Variants in ZNF326 observed in about 807,000 individuals in gnomAD.
ZNF326 encodes DBIRD complex subunit ZNF326.
Under a neutral mutation model 63.1 loss-of-function variants are expected in ZNF326, and 30 were observed. That is an observed-to-expected ratio of 0.48 (90% CI 0.36 to 0.64). The LOEUF is 0.64. Ranked by LOEUF, ZNF326 falls within the 30% of genes least tolerant of loss-of-function variation. ZNF326 has a pLI of 0.00. For synonymous variants in ZNF326, 194 were observed against 228.2 expected (o/e 0.85, Z 1.35); for missense variants, 609 against 720.3 (o/e 0.85, Z 1.77).
chr1:89,995,355 T>G, intron 1 of ZNF326, 82 bp downstream of exon 1: 1 of 1,484,642 alleles, frequency 6.7e-7, no homozygotes, highest in Non-Finnish European at 9.0e-7. Flanking sequence ...CGTCTCAAGA[T>G]GGCCGTGTGG....
At chr1:90,003,133 T>A (rs1211924988) in intron 2 of ZNF326, among the ~76,000 whole-genome samples, 1 of 151,734 alleles carries the variant, frequency 6.6e-6, no homozygotes, top group African/African-American at 2.4e-5. Context: ...TAGTTCTTTT[T>A]TTTTTTTTTT....
chr1:90,007,501 C>G lies in ZNF326; in HGVS notation c.366C>G (p.Phe122Leu), dbSNP rs142094932. 5.6e-6 allele frequency: 9 copies of G among 1,614,052 alleles called. No individual in the cohort carries two copies. The highest frequency in any genetic ancestry group is 7.6e-6 in the Non-Finnish European group (9 of 1,180,002). The change falls in exon 5 of 12, where the codon TTC becomes TTG. Residue 122 changes from phenylalanine (F) to leucine (L), a missense_variant. Around this residue, in one of 3 missense-constraint regions of ZNF326, gnomAD observed 113 missense variants for 187.4 expected, o/e 0.60. Transcript: ENST00000340281. This position sits in a 1 kb window ranked among gnomAD's most constrained non-coding sequence, Gnocchi z 4.9. Reference protein sequence around the residue: ...ESSYRNSLDSFGGRNQGGSSW... With the variant: ...ESSYRNSLDSLGGRNQGGSSW... ...CCTACCGGAATAGCCTTGACTCTTT[C>G]GGAGGTAGAAACCAGGGCGGGTCTA... is the stretch of plus-strand genomic sequence containing the variant.
At chr1:90,021,000 C>T (rs1462690525) in intron 10 of ZNF326, 78 bp downstream of exon 10, 1 of 1,416,452 alleles carries the variant, frequency 7.1e-7, no homozygotes, top group East Asian at 2.3e-5. Flanking sequence ...TAGCTTCACA[C>T]CTATCTGCAA....
At chr1:90,020,757 G>T in intron 9 of ZNF326, 35 bp from the exon 10 acceptor site, 1 of 1,574,846 alleles carries the variant, frequency 6.3e-7, no homozygotes, top group African/African-American at 1.4e-5. Flanking sequence ...AATAACATAT[G>T]AATTATTTCT....
intron 8 of ZNF326, 72 bp downstream of exon 8, chr1:90,017,536 C>A: frequency 7.4e-7 from 1 of 1,349,000 alleles, no homozygotes; most frequent in Non-Finnish European, 1.0e-6. Flanking sequence ...TTTCACTCTC[C>A]CCATCTCTCA....
At chr1:90,012,524 T>G (rs1403091324) in intron 6 of ZNF326, among the ~76,000 whole-genome samples, 1 of 152,250 alleles carries the variant, frequency 6.6e-6, no homozygotes, top group Non-Finnish European at 1.5e-5. Context: ...GTTGCGTAAC[T>G]TTGTGAATGT....
chr1:90,016,575 G>A lies in ZNF326; in HGVS notation c.927-742G>A, dbSNP rs569989045. ...CTACTAAAAATATAAAAATTAGCCAGGTGTGGTGGCGCATGCCTGTAGTCC... is the reference window on the plus strand; with the variant it reads ...CTACTAAAAATATAAAAATTAGCCAAGTGTGGTGGCGCATGCCTGTAGTCC... On this transcript the variant is annotated intron_variant, in intron 7 of 11. Transcript: ENST00000340281. 3.9e-5 allele frequency among the ~76,000 whole-genome samples: 6 copies of A among 152,148 alleles called. No homozygotes were observed. In the East Asian group the frequency reaches 1.2e-3, roughly 29 times the overall value.
intron 8 of ZNF326, among the ~76,000 whole-genome samples, chr1:90,018,279 G>A (rs1649597161): frequency 1.4e-5 from 2 of 147,890 alleles, no homozygotes; most frequent in African/African-American, 2.5e-5. Flanking sequence ...GTGACAGAGC[G>A]AGACTCCATC....
intron 7 of ZNF326, among the ~76,000 whole-genome samples, chr1:90,014,803 TAGA>T (rs1334535166): frequency 6.6e-6 from 1 of 152,178 alleles, no homozygotes; most frequent in Non-Finnish European, 1.5e-5. Context: ...CTTCTTTTGG[TAGA>T]AGTAACAGGC....
At position 90,017,190 on chromosome 1, in the gene ZNF326, T is replaced by A. The variant is rs530305294; in HGVS notation, c.927-127T>A. 6 of 708,202 alleles carry A rather than the reference T, an allele frequency of 8.5e-6. No homozygotes were observed. The South Asian group carries it at 1.4e-4, about 17-fold the overall frequency. The allele number at this position is 708,202 out of a possible 1,614,324, so 43.9% of individuals were successfully genotyped here. A position where few individuals can be genotyped will look rare whatever the true frequency, so the allele number is the denominator to read the frequency against. ...TTTTTTGGATTTAAGCTAAGTTTAATTCAGTCATAAAGAGGAAGAAAGGAA... is the reference window on the plus strand; with the variant it reads ...TTTTTTGGATTTAAGCTAAGTTTAAATCAGTCATAAAGAGGAAGAAAGGAA... On this transcript the variant is annotated intron_variant, in intron 7 of 11. Transcript: ENST00000340281.
chr1:90,016,561 A>G (rs1305948806), intron 7 of ZNF326, among the ~76,000 whole-genome samples: 2 of 152,000 alleles, frequency 1.3e-5, no homozygotes, highest in South Asian at 2.1e-4. Context: ...TACTAAAAAT[A>G]TAAAAATTAG....
chr1:90,018,759 A>G lies in ZNF326; in HGVS notation c.1149A>G (p.Lys383=). 1.3e-6 allele frequency: 2 copies of G among 1,557,672 alleles called. No individual in the cohort carries two copies. Among genetic ancestry groups the G allele is most frequent in the Non-Finnish European group, 1.7e-6 (2 of 1,146,302 alleles). ...QQTNNQTEVV[K]IIEKDVMEGV... ...CAAATAATCAAACAGAAGTAGTTAA[A>G]ATAATTGAAAAAGATGTTATGGAAG... The change falls in exon 9 of 12, where the codon AAA becomes AAG. Residue 383 remains lysine, a synonymous_variant. Coordinates refer to ENST00000340281, the MANE Select transcript of ZNF326 (RefSeq NM_182976.4).
At chr1:90,015,291 A>G (rs1009958169) in intron 7 of ZNF326, among the ~76,000 whole-genome samples, 1 of 152,160 alleles carries the variant, frequency 6.6e-6, no homozygotes, top group African/African-American at 2.4e-5. Flanking sequence ...ACCTAGGGAG[A>G]AAGAGATGGA....
chr1:90,018,583 A>T, intron 8 of ZNF326, 102 bp from the exon 9 acceptor site: 1 of 554,708 alleles, frequency 1.8e-6, no homozygotes, highest in African/African-American at 2.0e-5. Context: ...GTTAATTCTT[A>T]TGTAGCAGAT....
intron 7 of ZNF326, among the ~76,000 whole-genome samples, chr1:90,013,909 C>CA (rs928126879): frequency 6.0e-5 from 9 of 150,752 alleles, no homozygotes; most frequent in South Asian, 2.1e-4. Flanking sequence ...TAAAAAAATA[C>CA]AAAAAAAAAT....
At position 90,013,161 on chromosome 1, in the gene ZNF326, C is replaced by T. The variant is rs913906096; in HGVS notation, c.850C>T (p.Arg284Trp). ...TCCTAAAAATGAAGAGGAAGAAAAG[C>T]GGCGAATTGAGGCTCGGCGAGAGAA... The part of the protein sequence containing the change: ...TDPKNEEEEK[R>W]RIEARREKQR... Residue 284 changes from arginine to tryptophan, a missense_variant, in exon 7 of 12, where the codon CGG (arginine) becomes TGG (tryptophan). Arg to Trp is a moderately radical substitution (Grantham distance 101, BLOSUM62 -3). Transcript: ENST00000340281. The T allele has an allele frequency of 1.1e-5, 17 of 1,611,466 alleles. No homozygotes were observed. The highest frequency in any genetic ancestry group is 1.3e-5 in the Non-Finnish European group (15 of 1,178,846).
intron 11 of ZNF326, among the ~76,000 whole-genome samples, chr1:90,026,801 A>G (rs1650033717): frequency 6.6e-6 from 1 of 152,214 alleles, no homozygotes; most frequent in Non-Finnish European, 1.5e-5. Flanking sequence ...TCAAATTTAT[A>G]TGAGATTTGA....
chr1:90,005,472 TAGAGTA>T, intron 4 of ZNF326: 1 of 1,190,550 alleles, frequency 8.4e-7, no homozygotes, highest in Non-Finnish European at 1.0e-6. Context: ...GTCAATATAA[TAGAGTA>T]AGATACACTT....
chr1:90,001,357 G>A (rs1257104451), intron 2 of ZNF326, among the ~76,000 whole-genome samples: 1 of 152,142 alleles, frequency 6.6e-6, no homozygotes, highest in Non-Finnish European at 1.5e-5. Flanking sequence ...CAGAATTATT[G>A]TGGCTGTTGT....
Sources: gnomAD v4.1 joint callset for allele counts (sites outside exome capture counted in the v4.1 genomes callset) on GRCh38, gnomAD v4.1.1 for gene constraint, gnomAD v4.1.1 regional missense constraint, Gnocchi (gnomAD v3.1) non-coding constraint, MANE v1.5 for transcripts, NCBI Gene and HGNC (gene_info 2026-07-23, HGNC 2026-07-21) for gene names.